Variants in AUTS2 observed in about 807,000 individuals in gnomAD.
The protein encoded by AUTS2 is autism susceptibility gene 2 protein.
Under a neutral mutation model 112.4 loss-of-function variants are expected in AUTS2, and 17 were observed. The observed-to-expected ratio is 0.15, with a 90% CI of 0.10 to 0.23. The LOEUF is 0.23. AUTS2 is among the 10% of genes least tolerant of loss of function. The pLI is 1.00. For missense variants in AUTS2, 1,510 were observed against 1,701.6 expected (o/e 0.89, Z 1.98); for synonymous variants, 751 against 702.7 (o/e 1.07, Z -1.09).
chr7:70,106,114 G>GAT, intron 2 of AUTS2, among the ~76,000 whole-genome samples: 1 of 152,114 alleles, frequency 6.6e-6, no homozygotes, highest in Non-Finnish European at 1.5e-5. Context: ...TCCTAAGTCT[G>GAT]TTTTGCGCAG....
At chr7:69,924,846 C>G (rs927635146) in intron 2 of AUTS2, among the ~76,000 whole-genome samples, 1 of 152,178 alleles carries the variant, frequency 6.6e-6, no homozygotes. Context: ...CCACCAGGCC[C>G]GGCCTGTTAT....
At chr7:70,003,290 A>G (rs1348957535) in intron 2 of AUTS2, among the ~76,000 whole-genome samples, 1 of 132,136 alleles carries the variant, frequency 7.6e-6, no homozygotes, top group African/African-American at 2.8e-5. Context: ...TATATATATT[A>G]TATATGAATA....
intron 5 of AUTS2, among the ~76,000 whole-genome samples, chr7:70,480,502 A>G (rs192251118): frequency 3.9e-4 from 60 of 152,304 alleles, no homozygotes; most frequent in Admixed American, 2.9e-3. Flanking sequence ...TGACATTTTG[A>G]GCAAAGGACT....
chr7:69,662,607 G>A (rs1057316670), intron 1 of AUTS2, among the ~76,000 whole-genome samples: 5 of 152,122 alleles, frequency 3.3e-5, no homozygotes, highest in Admixed American at 2.0e-4. Context: ...AACCTTATAG[G>A]GCTGGAGCCT....
intron 1 of AUTS2, among the ~76,000 whole-genome samples, chr7:69,756,547 C>T (rs1207222908): frequency 6.6e-6 from 1 of 152,018 alleles, no homozygotes; most frequent in Non-Finnish European, 1.5e-5. Context: ...GCCTTGTTCT[C>T]CAGGCCAGAC....
At chr7:70,535,226 A>G (rs1800269675) in intron 5 of AUTS2, among the ~76,000 whole-genome samples, 1 of 152,088 alleles carries the variant, frequency 6.6e-6, no homozygotes, top group Non-Finnish European at 1.5e-5. Flanking sequence ...GAATTAAGTG[A>G]ATTAATGAAT....
intron 5 of AUTS2, among the ~76,000 whole-genome samples, chr7:70,581,105 G>A (rs150091821): frequency 8.3e-4 from 127 of 152,202 alleles, no homozygotes; most frequent in East Asian, 3.3e-3. Flanking sequence ...AAATAAGGCC[G>A]GGCGTAGTGG....
chr7:70,520,023 G>T (rs1003827665), intron 5 of AUTS2, among the ~76,000 whole-genome samples: 3 of 152,104 alleles, frequency 2.0e-5, no homozygotes, highest in Non-Finnish European at 2.9e-5. Flanking sequence ...TATCAGATAT[G>T]TGATTTCCAG....
chr7:70,515,324 A>C (rs1799372086), intron 5 of AUTS2, among the ~76,000 whole-genome samples: 1 of 152,186 alleles, frequency 6.6e-6, no homozygotes, highest in African/African-American at 2.4e-5. Context: ...AGAATCCAGG[A>C]GAGAAATAAT....
intron 4 of AUTS2, among the ~76,000 whole-genome samples, chr7:70,272,603 G>T (rs1053927897): frequency 2.8e-4 from 43 of 152,018 alleles, no homozygotes; most frequent in African/African-American, 1.0e-3. Flanking sequence ...GGGGTATTGG[G>T]TTCTCTCGTT....
chr7:70,391,122 G>C (rs1212723414), intron 4 of AUTS2, among the ~76,000 whole-genome samples: 1 of 152,188 alleles, frequency 6.6e-6, no homozygotes, highest in Non-Finnish European at 1.5e-5. Context: ...CTGAATCTCT[G>C]GGGGTGAGGC....
intron 5 of AUTS2, among the ~76,000 whole-genome samples, chr7:70,486,831 C>T (rs1260899473): frequency 2.0e-5 from 3 of 149,172 alleles, no homozygotes; most frequent in African/African-American, 7.4e-5. Context: ...GGTGGTGGTG[C>T]TGGTGGTGGT....
Position 69,624,121 on chromosome 7 carries a change from GC to G in AUTS2, c.309+24160del, listed in dbSNP as rs376739035. On this transcript the variant is annotated intron_variant, in intron 1 of 18. Transcript: ENST00000342771. ...TTCTTGACAGTGACTGTCTATTAAT[GC>G]TCACAGCTGATATTAAGATTACGTT... is the stretch of plus-strand genomic sequence containing the variant. 1.4e-4 allele frequency among the ~76,000 whole-genome samples: 21 copies of G among 152,274 alleles called. No individual in the cohort carries two copies. The East Asian group carries it at 2.5e-3, about 18-fold the overall frequency.
In AUTS2 at chr7:70,387,740, A is replaced by G. The variant is rs908094781; in HGVS notation, c.661-48012A>G. Among the ~76,000 whole-genome samples, 13 of 152,088 alleles carry G rather than the reference A, an allele frequency of 8.5e-5. No homozygotes were observed. The East Asian group carries it at 2.3e-3, about 27-fold the overall frequency. On this transcript the variant is annotated intron_variant, in intron 4 of 18. Coordinates refer to ENST00000342771, the MANE Select transcript of AUTS2 (RefSeq NM_015570.4). ...ATGTATATAATAGCTTTTTTATTCT[A>G]TTGAAGCTGTATTTCTTCATCCATC...
chr7:69,848,831 T>C (rs1241907812), intron 1 of AUTS2, among the ~76,000 whole-genome samples: 4 of 152,146 alleles, frequency 2.6e-5, no homozygotes, highest in African/African-American at 9.7e-5. Flanking sequence ...CTACTTTATT[T>C]GACTTTTATG....
chr7:70,593,603 TAATG>T (rs981503590), intron 5 of AUTS2, among the ~76,000 whole-genome samples: 50 of 152,304 alleles, frequency 3.3e-4, no homozygotes, highest in African/African-American at 1.2e-3. Flanking sequence ...GCACATGTCT[TAATG>T]AATGGAGATG....
At chr7:69,911,581 C>A (rs1795360972) in intron 2 of AUTS2, among the ~76,000 whole-genome samples, 1 of 152,134 alleles carries the variant, frequency 6.6e-6, no homozygotes, top group South Asian at 2.1e-4. Context: ...ATCCACAGAA[C>A]AGCTCCCAGG....
At chr7:70,565,790 A>G (rs1652532297) in intron 5 of AUTS2, among the ~76,000 whole-genome samples, 1 of 152,234 alleles carries the variant, frequency 6.6e-6, no homozygotes, top group Non-Finnish European at 1.5e-5. Context: ...TAATTGTATG[A>G]GAATAGCATA....
chr7:70,000,857 C>T (rs1799159367), intron 2 of AUTS2, among the ~76,000 whole-genome samples: 1 of 151,562 alleles, frequency 6.6e-6, no homozygotes, highest in Non-Finnish European at 1.5e-5. Context: ...TTTTGCCCGC[C>T]TCCTTTAAAA....
Sources: allele counts gnomAD v4.1 joint callset (sites outside exome capture counted in the v4.1 genomes callset), GRCh38; gene constraint gnomAD v4.1.1; transcripts MANE v1.5; gene names NCBI Gene and HGNC (gene_info 2026-07-23, HGNC 2026-07-21).